Variants in RBFA observed in about 807,000 individuals in gnomAD.
RBFA encodes the protein ribosome binding factor A.
Under a neutral mutation model 27.9 loss-of-function variants are expected in RBFA, and 16 were observed. The ratio of observed to expected loss-of-function variants is 0.57; its 90% CI spans 0.39 to 0.87. The LOEUF (loss-of-function observed/expected upper bound fraction) is 0.87. Among genes scored for constraint, RBFA ranks in the 40% least tolerant of loss-of-function variants. The probability of loss-of-function intolerance (pLI) is 0.00; values close to 1 mark genes in which losing one functional copy is unlikely to be tolerated. For synonymous variants in RBFA, 181 were observed against 181.0 expected (o/e 1.00, Z 0.00); for missense variants, 456 against 432.1 (o/e 1.06, Z -0.49).
At position 80,034,481 on chromosome 18, in the gene RBFA, T is replaced by G. The variant is rs545437107; in HGVS notation, c.-15T>G. ...CCGTTGTCTCCCTGCTCGCTCCGGG[T>G]CCCGGCGCCGCGCCATGTGGGCTGC... is the stretch of plus-strand genomic sequence containing the variant. On this transcript the variant is annotated 5_prime_UTR_variant, in exon 1 of 7. Coordinates refer to ENST00000306735, the MANE Select transcript of RBFA (RefSeq NM_024805.3). 1,447 of 1,517,374 alleles carry G rather than the reference T, an allele frequency of 9.5e-4. 3 individuals are homozygous for G. Among genetic ancestry groups the G allele is most frequent in the Non-Finnish European group, 1.1e-3 (1,305 of 1,142,742 alleles). The allele number at this position is 1,517,374 out of a possible 1,614,324, so 94.0% of individuals were successfully genotyped here.
chr18:80,037,005 A>G (rs772081143), intron 2 of RBFA, among the ~76,000 whole-genome samples: 72 of 152,272 alleles, frequency 4.7e-4, no homozygotes, highest in Non-Finnish European at 7.8e-4. Context: ...CCCATTCTGA[A>G]AAATAAATAC....
rs2052067208 is a variant in RBFA, at chr18:80,047,883, T to A, written c.*1728T>A. ...ATAGGTCAGGATAATGAGGTGATAC[T>A]GCAGTGACAAATGGCAAATCTCCCT... On this transcript the variant is annotated 3_prime_UTR_variant, in exon 7 of 7. Transcript: ENST00000306735. Among the ~76,000 whole-genome samples the A allele has an allele frequency of 6.6e-6, 1 of 152,212 alleles. No homozygotes were observed. Among genetic ancestry groups the A allele is most frequent in the South Asian group, 2.1e-4 (1 of 4,832 alleles).
Position 80,047,825 on chromosome 18 carries a change from A to G in RBFA, c.*1670A>G, listed in dbSNP as rs1568391319. Among the ~76,000 whole-genome samples the G allele has an allele frequency of 1.3e-5, 2 of 152,194 alleles. No homozygotes were observed. The highest frequency in any genetic ancestry group is 2.4e-5 in the African/African-American group (1 of 41,448). On this transcript the variant is annotated 3_prime_UTR_variant, in exon 7 of 7. Transcript: ENST00000306735. ...TCTGGTAGCCAGTTGCGGGGTGTCC[A>G]GTGAAGGGGTGTACATGTCTGTGGT...
At chr18:80,036,604 A>C in intron 1 of RBFA, 64 bp from the exon 2 acceptor site, 2 of 1,236,500 alleles carry the variant, frequency 1.6e-6, no homozygotes, top group Non-Finnish European at 2.4e-6. Context: ...ATAACCTCTT[A>C]AATTAGCTTA....
At chr18:80,039,320 C>A (rs1195113348) in intron 4 of RBFA, among the ~76,000 whole-genome samples, 1 of 152,172 alleles carries the variant, frequency 6.6e-6, no homozygotes, top group Middle Eastern at 3.2e-3. Context: ...CGGAGCAAGA[C>A]CCTGTTTCTC....
chr18:80,042,244 A>G, intron 5 of RBFA, 25 bp downstream of exon 5: 1 of 1,485,372 alleles, frequency 6.7e-7, no homozygotes, highest in Non-Finnish European at 9.1e-7. Flanking sequence ...AAAACTTTTT[A>G]AAATTTAAAA....
At position 80,049,469 on chromosome 18, in the gene RBFA, G is replaced by A. The variant is rs2052081887; in HGVS notation, c.*3314G>A. ...CACTAAACACCCAGAAGTTAGGGAG[G>A]CACTGATCCAGTGAAGTCCTCAGAT... On this transcript the variant is annotated 3_prime_UTR_variant, in exon 7 of 7. Transcript: ENST00000306735. Among the ~76,000 whole-genome samples the A allele has an allele frequency of 1.3e-5, 2 of 152,240 alleles. No individual in the cohort carries two copies. The highest frequency in any genetic ancestry group is 4.1e-4 in the South Asian group (2 of 4,832).
chr18:80,049,765 A>G lies in RBFA; in HGVS notation c.*3610A>G, dbSNP rs754283203. ...CAAACATTAGAACATTTTGAGGTAG[A>G]CAGGGGAACTTAATCACCCCTTGTA... On this transcript the variant is annotated 3_prime_UTR_variant, in exon 7 of 7. Transcript: ENST00000306735. Among the ~76,000 whole-genome samples the G allele has an allele frequency of 9.8e-5, 15 of 152,328 alleles. No homozygotes were observed. The highest frequency in any genetic ancestry group is 8.8e-5 in the Non-Finnish European group (6 of 68,032).
chr18:80,034,614 C>A lies in RBFA; in HGVS notation c.119C>A (p.Ser40Tyr). The change falls in exon 1 of 7, where the codon TCC becomes TAC. Residue 40 changes from serine to tyrosine, a missense_variant. Coordinates refer to ENST00000306735, the MANE Select transcript of RBFA (RefSeq NM_024805.3). ...CERGLHCSAV[S>Y]CKNWLKKFAS... Reference sequence around the variant, plus strand: ...CGGGGACTTCACTGCTCTGCTGTCTCCTGCAAGAACTGGCTCAAGAAATTT... The same window carrying A: ...CGGGGACTTCACTGCTCTGCTGTCTACTGCAAGAACTGGCTCAAGAAATTT... The A allele has an allele frequency of 6.2e-7, 1 of 1,608,912 alleles. No homozygotes were observed. Among genetic ancestry groups the A allele is most frequent in the South Asian group, 1.1e-5 (1 of 90,506 alleles).
At chr18:80,043,458 A>G (rs2052029938) in intron 5 of RBFA, among the ~76,000 whole-genome samples, 1 of 152,240 alleles carries the variant, frequency 6.6e-6, no homozygotes, top group Non-Finnish European at 1.5e-5. Context: ...AGTTCAGGTC[A>G]TGGCAGTGTG....
chr18:80,045,841 G>C lies in RBFA; in HGVS notation c.718G>C (p.Asp240His), dbSNP rs565823333. ...PTTSSSLCGI[D>H]HEALNKQIME... is the part of the protein sequence containing the mutation. ...CACAAGCTCCAGTCTGTGTGGGATC[G>C]ATCATGAGGCGCTCAACAAGCAGAT... The change falls in exon 7 of 7, where the codon GAT becomes CAT. Residue 240 changes from aspartate to histidine, a missense_variant. Transcript: ENST00000306735. 1 of 1,565,016 alleles carries C rather than the reference G, an allele frequency of 6.4e-7. No individual in the cohort carries two copies. Among genetic ancestry groups the C allele is most frequent in the Non-Finnish European group, 8.7e-7 (1 of 1,155,606 alleles).
chr18:80,035,973 G>A (rs2051976152), intron 1 of RBFA: 1 of 152,128 alleles, frequency 6.6e-6, no homozygotes, highest in African/African-American at 2.4e-5. Flanking sequence ...CTCATCTTGT[G>A]TGTTTCGTAC....
Position 80,048,544 on chromosome 18 carries a change from A to G in RBFA, c.*2389A>G, listed in dbSNP as rs1000052986. The stretch of plus-strand genomic sequence containing the variant: ...CTGACAGGGACTAGTGTCTAGAGCC[A>G]TGAGGACAGAGACCAGAAGGGACAA... On this transcript the variant is annotated 3_prime_UTR_variant, in exon 7 of 7. Coordinates refer to ENST00000306735, the MANE Select transcript of RBFA (RefSeq NM_024805.3). Among the ~76,000 whole-genome samples the G allele has an allele frequency of 3.9e-5, 6 of 152,238 alleles. No individual in the cohort carries two copies. Among genetic ancestry groups the G allele is most frequent in the African/African-American group, 1.2e-4 (5 of 41,464 alleles).
rs775305464 is a variant in RBFA at position 80,034,541 on chromosome 18, C to T, written c.46C>T (p.Arg16Trp). The change falls in exon 1 of 7, where the codon CGG becomes TGG. Residue 16 changes from arginine (R) to tryptophan (W), a missense_variant. By Grantham distance (101) the Arg-to-Trp change is moderately radical (BLOSUM62 -3). Transcript: ENST00000306735. The stretch of plus-strand genomic sequence containing the variant: ...GCTGTGGCGCTCCCGCGCGGGTCTC[C>T]GGGCCCTGTTCCGTAGCCGCGATGC... ...GGLWRSRAGL[R>W]ALFRSRDAAL... The T allele has an allele frequency of 2.1e-5, 34 of 1,600,296 alleles. No individual in the cohort carries two copies. The Middle Eastern group carries it at 5.0e-4, about 23-fold the overall frequency.
chr18:80,042,695 G>A (rs1303355635), intron 5 of RBFA, among the ~76,000 whole-genome samples: 3 of 151,970 alleles, frequency 2.0e-5, no homozygotes, highest in African/African-American at 4.8e-5. Context: ...CAGTTGAACC[G>A]GGAAGGCGGA....
rs748563755 is a variant in RBFA at position 80,037,416 on chromosome 18, G to A, written c.288G>A (p.Leu96=). The A allele has an allele frequency of 2.2e-5, 35 of 1,614,004 alleles. No homozygotes were observed. Among genetic ancestry groups the A allele is most frequent in the Non-Finnish European group, 2.9e-5 (34 of 1,180,028 alleles). The change falls in exon 3 of 7, where the codon CTG becomes CTA. Residue 96 remains leucine (L), a synonymous_variant. Transcript: ENST00000306735. ...RKEDHARLRA[L]NGLLYKALTD... is the part of the protein sequence containing the mutation. Reference sequence around the variant, plus strand: ...AAGACCATGCGCGCCTGAGGGCCCTGAACGGCCTCCTCTATAAGGCACTGA... The same window carrying A: ...AAGACCATGCGCGCCTGAGGGCCCTAAACGGCCTCCTCTATAAGGCACTGA...
At chr18:80,042,107 G>A in intron 4 of RBFA, 28 bp from the exon 5 acceptor site, 2 of 1,540,012 alleles carry the variant, frequency 1.3e-6, no homozygotes, top group African/African-American at 1.4e-5. Context: ...CGGCACAGCT[G>A]TGAGGGTCTG....
intron 4 of RBFA, among the ~76,000 whole-genome samples, chr18:80,038,922 C>T (rs1313249584): frequency 1.3e-5 from 2 of 152,184 alleles, no homozygotes; most frequent in Admixed American, 6.5e-5. Context: ...GGTACAGAAA[C>T]CATGAGGGAA....
In RBFA at chr18:80,048,046, G is replaced by T. The variant is rs2052068486; in HGVS notation, c.*1891G>T. On this transcript the variant is annotated 3_prime_UTR_variant, in exon 7 of 7. Transcript: ENST00000306735. Reference sequence around the variant, plus strand: ...TATGTACAAGAGACCTCCCCATCCTGATGTAGGAAATGAATGGTGATGATT... The same window carrying T: ...TATGTACAAGAGACCTCCCCATCCTTATGTAGGAAATGAATGGTGATGATT... The T allele has an allele frequency of 1.3e-5, 2 of 152,232 alleles. No individual in the cohort carries two copies. Among genetic ancestry groups the T allele is most frequent in the South Asian group, 4.1e-4 (2 of 4,826 alleles). The allele number at this position is 152,232 out of a possible 1,614,324, so 9.4% of individuals were successfully genotyped here.
Sources: allele counts gnomAD v4.1 joint callset (sites outside exome capture counted in the v4.1 genomes callset), GRCh38; gene constraint gnomAD v4.1.1; transcripts MANE v1.5; gene names NCBI Gene and HGNC (gene_info 2026-07-23, HGNC 2026-07-21).